Variants in COL25A1 observed in about 807,000 individuals in gnomAD.
COL25A1 encodes collagen type XXV alpha 1 chain.
COL25A1 carries 103 observed loss-of-function variants against 128.4 expected under a neutral mutation model. That is an observed-to-expected ratio of 0.80 (90% CI 0.68 to 0.94). COL25A1 has a LOEUF of 0.94. Among genes scored for constraint, COL25A1 ranks in the 40% least tolerant of loss-of-function variants. COL25A1 has a pLI of 0.00. For missense variants in COL25A1, 745 were observed against 840.0 expected (o/e 0.89, Z 1.40); for synonymous variants, 279 against 277.2 (o/e 1.01, Z -0.06).
At chr4:109,210,830 C>T (rs1334190151) in intron 3 of COL25A1, among the ~76,000 whole-genome samples, 1 of 152,024 alleles carries the variant, frequency 6.6e-6, no homozygotes, top group Non-Finnish European at 1.5e-5. Flanking sequence ...GCATGGAATC[C>T]TACACAGCCA....
chr4:108,890,728 AT>A (rs1229926674), intron 16 of COL25A1, among the ~76,000 whole-genome samples: 2 of 152,140 alleles, frequency 1.3e-5, no homozygotes, highest in East Asian at 3.9e-4. Flanking sequence ...ATCTGTACAA[AT>A]GCTCAAGGAG....
At chr4:108,838,546 A>C (rs1015629557) in intron 31 of COL25A1, among the ~76,000 whole-genome samples, 8 of 152,164 alleles carry the variant, frequency 5.3e-5, no homozygotes, top group Non-Finnish European at 8.8e-5. Flanking sequence ...AGAAAAAAAA[A>C]CCCACTCTGC....
intron 13 of COL25A1, among the ~76,000 whole-genome samples, chr4:108,907,329 G>A (rs1743654030): frequency 6.6e-6 from 1 of 152,272 alleles, no homozygotes; most frequent in South Asian, 2.1e-4. Context: ...TCCAGAGCCT[G>A]GGGCATTGCC....
chr4:109,249,860 A>G (rs945822595), intron 3 of COL25A1, among the ~76,000 whole-genome samples: 1 of 152,184 alleles, frequency 6.6e-6, no homozygotes, highest in African/African-American at 2.4e-5. Flanking sequence ...CTTACTTATA[A>G]ATAATCTATA....
intron 3 of COL25A1, among the ~76,000 whole-genome samples, chr4:109,059,072 C>A (rs907171923): frequency 6.6e-6 from 1 of 152,124 alleles, no homozygotes; most frequent in Admixed American, 6.6e-5. Flanking sequence ...GCCAGAGAAC[C>A]TAATGAGCCC....
chr4:109,182,534 T>C (rs1244867125), intron 3 of COL25A1, among the ~76,000 whole-genome samples: 1 of 152,098 alleles, frequency 6.6e-6, no homozygotes, highest in Non-Finnish European at 1.5e-5. Flanking sequence ...TAACATTTAG[T>C]AAACATGGTA....
At chr4:109,001,828 G>A (rs1357357089) in intron 6 of COL25A1, among the ~76,000 whole-genome samples, 1 of 152,154 alleles carries the variant, frequency 6.6e-6, no homozygotes, top group Non-Finnish European at 1.5e-5. Context: ...ATCCTTGGAA[G>A]GGATGGGTCT....
Position 109,131,361 on chromosome 4 carries a change from C to T in COL25A1, c.368-81182G>A, listed in dbSNP as rs1769176880. ...TGGTTCGCATTGTATTTCCATTGGA[C>T]AGTATTGCCCTCTATACTGATGTGG... is the stretch of plus-strand genomic sequence containing the variant. On this transcript the variant is annotated intron_variant, in intron 3 of 37. Transcript: ENST00000399132. 2.0e-5 allele frequency among the ~76,000 whole-genome samples: 3 copies of T among 152,076 alleles called. No individual in the cohort carries two copies. In the South Asian group the frequency reaches 6.2e-4, roughly 32 times the overall value.
Position 109,178,312 on chromosome 4 carries a change from T to A in COL25A1, c.367+122271A>T, listed in dbSNP as rs1774285861. On this transcript the variant is annotated intron_variant, in intron 3 of 37. Transcript: ENST00000399132. ...GATTTATTAAGTATGGGCCCATACT[T>A]TTTTAAAACATTGTCCTTTTAACCT... is the stretch of plus-strand genomic sequence containing the variant. 3.3e-5 allele frequency among the ~76,000 whole-genome samples: 5 copies of A among 152,208 alleles called. No homozygotes were observed. The South Asian group carries it at 1.0e-3, about 32-fold the overall frequency.
At chr4:108,825,134 CGAT>C (rs1190616111) in intron 34 of COL25A1, 59 bp downstream of exon 34, 2 of 1,298,288 alleles carry the variant, frequency 1.5e-6, no homozygotes, top group African/African-American at 2.9e-5. Context: ...TTTTTGTTAT[CGAT>C]GATGGAGACC....
At chr4:109,189,505 G>A (rs181089654) in intron 3 of COL25A1, among the ~76,000 whole-genome samples, 118 of 129,778 alleles carry the variant, frequency 9.1e-4, no homozygotes, top group African/African-American at 3.5e-3. Flanking sequence ...CCGAGATCAC[G>A]CCACTGCACT....
chr4:108,890,035 G>T (rs1055450704), intron 16 of COL25A1, among the ~76,000 whole-genome samples: 1 of 152,222 alleles, frequency 6.6e-6, no homozygotes, highest in Non-Finnish European at 1.5e-5. Context: ...AAATAAACAT[G>T]AATTTCTTCC....
chr4:109,124,563 C>G (rs1768409089), intron 3 of COL25A1, among the ~76,000 whole-genome samples: 1 of 151,928 alleles, frequency 6.6e-6, no homozygotes, highest in Non-Finnish European at 1.5e-5. Context: ...AGCTTCTAAT[C>G]TTTCATTGCT....
At chr4:108,817,354 A>T (rs767435279) in intron 37 of COL25A1, 43 bp downstream of exon 37, 2 of 1,596,630 alleles carry the variant, frequency 1.3e-6, no homozygotes, top group South Asian at 2.2e-5. Context: ...GGTTAAGAGA[A>T]AGGGAGAGTG....
chr4:109,090,799 A>C (rs1260074613), intron 3 of COL25A1, among the ~76,000 whole-genome samples: 1 of 152,174 alleles, frequency 6.6e-6, no homozygotes, highest in Non-Finnish European at 1.5e-5. Context: ...ACTACTTGGG[A>C]AACAGTCTTT....
intron 5 of COL25A1, among the ~76,000 whole-genome samples, chr4:109,025,308 T>A (rs760909336): frequency 2.6e-5 from 4 of 152,192 alleles, no homozygotes; most frequent in Admixed American, 1.3e-4. Context: ...CTAGGCAATT[T>A]TTACTGCCCT....
intron 3 of COL25A1, among the ~76,000 whole-genome samples, chr4:109,115,872 C>T (rs1287627075): frequency 6.6e-6 from 1 of 151,972 alleles, no homozygotes; most frequent in African/African-American, 2.4e-5. Context: ...CAATACTGCA[C>T]ATGAAACACC....
intron 11 of COL25A1, among the ~76,000 whole-genome samples, chr4:108,935,039 G>A (rs942339524): frequency 5.9e-5 from 9 of 152,308 alleles, no homozygotes; most frequent in African/African-American, 2.2e-4. Context: ...GAGAGGTTAA[G>A]TGACTTGCCC....
At position 108,911,807 on chromosome 4, in the gene COL25A1, T is replaced by G. The variant is rs1015092735; in HGVS notation, c.780+6365A>C. Among the ~76,000 whole-genome samples the G allele has an allele frequency of 3.3e-5, 5 of 151,154 alleles. No homozygotes were observed. In the East Asian group the frequency reaches 5.8e-4, roughly 18 times the overall value. ...TAATAAACATTTGCTTCGCTGTTTT[T>G]TTTTTTTTTTTTTGCAACAGCAAGT... On this transcript the variant is annotated intron_variant, in intron 13 of 37. Coordinates refer to ENST00000399132, the MANE Select transcript of COL25A1 (RefSeq NM_198721.4).
Sources: allele counts gnomAD v4.1 joint callset (sites outside exome capture counted in the v4.1 genomes callset), GRCh38; gene constraint gnomAD v4.1.1; transcripts MANE v1.5; gene names NCBI Gene and HGNC (gene_info 2026-07-23, HGNC 2026-07-21).